The following ESAM variants were observed in gnomAD, a reference collection of about 807,000 sequenced individuals.
ESAM encodes endothelial cell adhesion molecule.
Under a neutral mutation model 31.8 loss-of-function variants are expected in ESAM, and 23 were observed. The ratio of observed to expected loss-of-function variants is 0.72; its 90% confidence interval spans 0.52 to 1.03. ESAM has a LOEUF of 1.03. Ranked by LOEUF, ESAM falls within the 50% of genes least tolerant of loss-of-function variation. The probability of loss-of-function intolerance (pLI) is 0.00; values close to 1 mark genes in which losing one functional copy is unlikely to be tolerated. For synonymous variants in ESAM, 216 were observed against 207.2 expected, an observed-to-expected ratio of 1.04 and a Z score of -0.37; for missense variants, 478 against 488.9, an observed-to-expected ratio of 0.98 and a Z score of 0.21.
chr11:124,762,029 G>C lies in ESAM; in HGVS notation c.70+56C>G. The C allele has an allele frequency of 6.6e-7, 1 of 1,517,052 alleles. No individual in the cohort carries two copies. The highest frequency in any genetic ancestry group is 9.0e-7 in the Non-Finnish European group (1 of 1,106,780). The allele number at this position is 1,517,052 out of a possible 1,614,324, so 94.0% of individuals were successfully genotyped here. On this transcript the variant is annotated intron_variant, in intron 1 of 6. Coordinates refer to ENST00000278927, the MANE Select transcript of ESAM (RefSeq NM_138961.3). The surrounding 1 kb of genome is among the most constrained non-coding windows in gnomAD (Gnocchi z 6.4). ...GCAGTGGCCAAAGTTCTCCCTCAGGGTCGAACTCACCCCATCCCGCATCCC... is the reference window on the plus strand; with the variant it reads ...GCAGTGGCCAAAGTTCTCCCTCAGGCTCGAACTCACCCCATCCCGCATCCC...
chr11:124,758,662 C>T, intron 1 of ESAM, 135 bp from the exon 2 acceptor site: 3 of 1,071,860 alleles, frequency 2.8e-6, no homozygotes, highest in Non-Finnish European at 3.9e-6. Context: ...GGTCCGGCCC[C>T]TGGAGGCCTC....
chr11:124,761,963 AG>A lies in ESAM; in HGVS notation c.70+121del, dbSNP rs1242672696. 28 of 848,256 alleles carry A rather than the reference AG, an allele frequency of 3.3e-5. 1 individual carries two copies. Among genetic ancestry groups the A allele is most frequent in the Non-Finnish European group, 5.2e-5 (27 of 516,998 alleles). 52.5% of individuals were successfully genotyped at this position (848,256 alleles called of 1,614,324 possible). A position where few individuals can be genotyped will look rare whatever the true frequency, so the allele number is the denominator to read the frequency against. On this transcript the variant is annotated intron_variant, in intron 1 of 6. Transcript: ENST00000278927. The stretch of plus-strand genomic sequence containing the variant: ...AGTGATGCCCTGGAGTGGGATTAGG[AG>A]GTCAGGGGAGGAGGGCGAGTCGTGG...
At position 124,759,914 on chromosome 11, in the gene ESAM, C is replaced by T. The variant is rs1384748181; in HGVS notation, c.71-1387G>A. On this transcript the variant is annotated intron_variant, in intron 1 of 6. Transcript: ENST00000278927. The surrounding 1 kb of genome is among the most constrained non-coding windows in gnomAD (Gnocchi z 6.8). The stretch of plus-strand genomic sequence containing the variant: ...GGCCCGCTGGCCATTCCGCTGAGGC[C>T]GGGCACGCCTGGAGCCTGCAGGTGC... 6.6e-6 allele frequency among the ~76,000 whole-genome samples: 1 copy of T among 152,228 alleles called. No homozygotes were observed. The highest frequency in any genetic ancestry group is 2.4e-5 in the African/African-American group (1 of 41,462).
At chr11:124,757,941 T>C (rs573559752) in intron 2 of ESAM, among the ~76,000 whole-genome samples, 4 of 152,224 alleles carry the variant, frequency 2.6e-5, no homozygotes, top group Admixed American at 2.6e-4. Context: ...TCAAGTGATG[T>C]GCCCACCTCG....
At chr11:124,761,734 C>G (rs918913768) in intron 1 of ESAM, among the ~76,000 whole-genome samples, 2 of 145,132 alleles carry the variant, frequency 1.4e-5, no homozygotes, top group Non-Finnish European at 1.5e-5. Flanking sequence ...TCCTTAAGCT[C>G]TTTAGCCAGT....
At position 124,756,232 on chromosome 11, in the gene ESAM, G is replaced by T; in HGVS notation, c.582C>A (p.Phe194Leu). ...QYQWDRQLPS[F>L]QTFFAPALDV... ...CTAATGCTGGTGCAAAGAAAGTCTG[G>T]AAGGATGGAAGCTGCCGATCCCACT... The change falls in exon 4 of 7, where the codon TTC becomes TTA. Residue 194 changes from phenylalanine (F) to leucine (L), a missense_variant. By Grantham distance (22) the Phe-to-Leu change is conservative (BLOSUM62 0). Transcript: ENST00000278927. 1 of 1,614,044 alleles carries T rather than the reference G, an allele frequency of 6.2e-7. No homozygotes were observed. Among genetic ancestry groups the T allele is most frequent in the Non-Finnish European group, 8.5e-7 (1 of 1,180,042 alleles).
chr11:124,756,783 G>A, intron 2 of ESAM, 41 bp from the exon 3 acceptor site: 1 of 1,583,236 alleles, frequency 6.3e-7, no homozygotes, highest in Non-Finnish European at 8.6e-7. Context: ...TACTACATGT[G>A]TCTACTGTGC....
At position 124,754,783 on chromosome 11, in the gene ESAM, A is replaced by G. The variant is rs757171308; in HGVS notation, c.608-20T>C. 1.6e-5 allele frequency: 25 copies of G among 1,603,676 alleles called. No homozygotes were observed. The Middle Eastern group carries it at 1.0e-3, about 64-fold the overall frequency. The stretch of plus-strand genomic sequence containing the variant: ...TGACATCTGTGGACACAATTTAGCC[A>G]TCAGTCCAGGGACCCTCTTTCCCAT... On this transcript the variant is annotated intron_variant, in intron 4 of 6. Transcript: ENST00000278927. The surrounding 1 kb of genome is among the most constrained non-coding windows in gnomAD (Gnocchi z 4.5).
In ESAM at chr11:124,756,531, TCTCA is replaced by T; in HGVS notation, c.451+6_451+9del. On this transcript the variant is annotated splice_donor_region_variant and intron_variant, in intron 3 of 6. Coordinates refer to ENST00000278927, the MANE Select transcript of ESAM (RefSeq NM_138961.3). ...GTGGGGAGGGGTCCGGAAATCTGCT[TCTCA>T]CTCACCCAGTACATTGAGTTCTAAG... 1 of 1,612,926 alleles carries T rather than the reference TCTCA, an allele frequency of 6.2e-7. No homozygotes were observed. Among genetic ancestry groups the T allele is most frequent in the Non-Finnish European group, 8.5e-7 (1 of 1,179,098 alleles).
Position 124,758,797 on chromosome 11 carries a change from A to C in ESAM, c.71-270T>G, listed in dbSNP as rs941008037. ...CATTTATATGCATTTATTCGTATCC[A>C]GAGGCGCAGATTTCTGAGCATCAAA... On this transcript the variant is annotated intron_variant, in intron 1 of 6. Coordinates refer to ENST00000278927, the MANE Select transcript of ESAM (RefSeq NM_138961.3). Among the ~76,000 whole-genome samples the C allele has an allele frequency of 7.9e-5, 12 of 152,218 alleles. 1 individual carries two copies. The highest frequency in any genetic ancestry group is 2.7e-4 in the African/African-American group (11 of 41,458).
In ESAM at chr11:124,761,769, C is replaced by G. The variant is rs1353951433; in HGVS notation, c.70+316G>C. ...TGTCTCATCTAGCGGCTCAGCTCATCCGGCTCTGCTGGGTGGGGGGTGGGG... is the reference window on the plus strand; with the variant it reads ...TGTCTCATCTAGCGGCTCAGCTCATGCGGCTCTGCTGGGTGGGGGGTGGGG... On this transcript the variant is annotated intron_variant, in intron 1 of 6. Coordinates refer to ENST00000278927, the MANE Select transcript of ESAM (RefSeq NM_138961.3). Among the ~76,000 whole-genome samples the G allele has an allele frequency of 9.0e-5, 12 of 133,650 alleles. No homozygotes were observed. In the Admixed American group the frequency reaches 9.6e-4, roughly 11 times the overall value. The allele number at this position is 133,650 out of a possible 152,430, so 87.7% of individuals were successfully genotyped here. A position where few individuals can be genotyped will look rare whatever the true frequency, so the allele number is the denominator to read the frequency against.
chr11:124,758,541 C>A lies in ESAM; in HGVS notation c.71-14G>T. On this transcript the variant is annotated splice_polypyrimidine_tract_variant and intron_variant, in intron 1 of 6. Transcript: ENST00000278927. The stretch of plus-strand genomic sequence containing the variant: ...GCGAGGGGGGCGCTGGAGACAAGAG[C>A]GAGGCGTGAGTGCCCAGGACCGGCT... 1 of 1,521,182 alleles carries A rather than the reference C, an allele frequency of 6.6e-7. No individual in the cohort carries two copies. Among genetic ancestry groups the A allele is most frequent in the Non-Finnish European group, 8.8e-7 (1 of 1,134,464 alleles). The allele number at this position is 1,521,182 out of a possible 1,614,324, so 94.2% of individuals were successfully genotyped here.
Position 124,754,762 on chromosome 11 carries a change from A to T in ESAM, c.609T>A (p.Asp203Glu), listed in dbSNP as rs1439632438. Residue 203 changes from aspartate (D) to glutamate (E), a missense_variant and splice_region_variant, in exon 5 of 7, where the codon GAT becomes GAA. Asp to Glu is a conservative substitution (Grantham distance 45). Transcript: ENST00000278927. This position sits in a 1 kb window ranked among gnomAD's most constrained non-coding sequence, Gnocchi z 4.5. ...TGAGGCTTAAAGACCCACGGATGAC[A>T]TCTGTGGACACAATTTAGCCATCAG... ...SFQTFFAPAL[D>E]VIRGSLSLTN... The T allele has an allele frequency of 4.2e-5, 68 of 1,610,412 alleles. No homozygotes were observed. The East Asian group carries it at 1.5e-3, about 35-fold the overall frequency.
intron 2 of ESAM, 47 bp downstream of exon 2, chr11:124,758,302 C>G: frequency 1.2e-6 from 2 of 1,612,196 alleles, no homozygotes; most frequent in Non-Finnish European, 1.7e-6. Flanking sequence ...GCTTACAACC[C>G]CCTCTGGGCG....
chr11:124,761,247 G>A (rs929828309), intron 1 of ESAM, among the ~76,000 whole-genome samples: 3 of 152,222 alleles, frequency 2.0e-5, no homozygotes, highest in Non-Finnish European at 1.5e-5. Flanking sequence ...AAGTGAAATA[G>A]TTTAAAAGGG....
intron 2 of ESAM, 168 bp from the exon 3 acceptor site, chr11:124,756,910 C>T: frequency 1.5e-6 from 1 of 671,226 alleles, no homozygotes; most frequent in Non-Finnish European, 2.6e-6. Context: ...AGCCCCCTCT[C>T]ACTGCCCCTG....
At position 124,753,873 on chromosome 11, in the gene ESAM, C is replaced by T. The variant is rs143254342; in HGVS notation, c.946G>A (p.Ala316Thr). The T allele has an allele frequency of 1.2e-5, 20 of 1,613,762 alleles. No homozygotes were observed. The highest frequency in any genetic ancestry group is 2.7e-5 in the African/African-American group (2 of 74,888). Reference protein sequence around the residue: ...KNGTLSSVTSARALRPPHGPP... With the variant: ...KNGTLSSVTSTRALRPPHGPP... ...CCATGGGGTGGCCGGAGGGCTCGTG[C>T]GGAGGTGACAGAGGAAAGGGTCCCA... The change falls in exon 7 of 7, where the codon GCA (alanine) becomes ACA (threonine). Residue 316 changes from alanine to threonine, a missense_variant. Transcript: ENST00000278927.
Position 124,754,097 on chromosome 11 carries a change from T to A in ESAM, c.857+117A>T, listed in dbSNP as rs1008715360. The A allele has an allele frequency of 2.6e-6, 4 of 1,554,778 alleles. No homozygotes were observed. Among genetic ancestry groups the A allele is most frequent in the Admixed American group, 1.8e-5 (1 of 55,076 alleles). On this transcript the variant is annotated intron_variant, in intron 6 of 6. Transcript: ENST00000278927. This position sits in a 1 kb window ranked among gnomAD's most constrained non-coding sequence, Gnocchi z 4.5. Reference sequence around the variant, plus strand: ...TTCCCTCTCCCTTAAAACCTGCCCATAGGAATGATGTTTCAGCCACTGACC... The same window carrying A: ...TTCCCTCTCCCTTAAAACCTGCCCAAAGGAATGATGTTTCAGCCACTGACC...
At chr11:124,756,826 C>G in intron 2 of ESAM, 84 bp from the exon 3 acceptor site, 1 of 1,438,144 alleles carries the variant, frequency 7.0e-7, no homozygotes, top group South Asian at 1.2e-5. Flanking sequence ...TCCCCCAGCT[C>G]GCATTCTCCA....
Sources: gnomAD v4.1 joint callset for allele counts (sites outside exome capture counted in the v4.1 genomes callset) on GRCh38, gnomAD v4.1.1 for gene constraint, Gnocchi (gnomAD v3.1) non-coding constraint, MANE v1.5 for transcripts, NCBI Gene and HGNC (gene_info 2026-07-23, HGNC 2026-07-21) for gene names.